Variants in NCAM2 observed in about 807,000 individuals in gnomAD.
NCAM2 encodes the protein N-CAM-2.
Under a neutral mutation model 98.1 loss-of-function variants are expected in NCAM2, and 30 were observed. The ratio of observed to expected loss-of-function variants is 0.31; its 90% confidence interval spans 0.23 to 0.41. NCAM2 has a LOEUF of 0.41. Ranked by LOEUF, NCAM2 falls within the 10% of genes least tolerant of loss-of-function variation. The pLI is 1.00. For synonymous variants in NCAM2, 368 were observed against 342.4 expected, an observed-to-expected ratio of 1.07 and a Z score of -0.83; for missense variants, 867 against 1,005.8, an observed-to-expected ratio of 0.86 and a Z score of 1.87.
rs112941041 is a variant in NCAM2, at chr21:21,507,445, A to G, written c.2078-1406A>G. Among the ~76,000 whole-genome samples, 834 of 152,260 alleles carry G rather than the reference A, an allele frequency of 5.5e-3. 11 individuals are homozygous for G. Among genetic ancestry groups the G allele is most frequent in the African/African-American group, 0.019 (804 of 41,574 alleles). On this transcript the variant is annotated intron_variant, in intron 15 of 17. Coordinates refer to ENST00000400546, the MANE Select transcript of NCAM2 (RefSeq NM_004540.5). Reference sequence around the variant, plus strand: ...CTGTCACTTGTGTTTCACATCAGTTACATATTTGAACATGCAGTTATTATG... The same window carrying G: ...CTGTCACTTGTGTTTCACATCAGTTGCATATTTGAACATGCAGTTATTATG...
intron 9 of NCAM2, among the ~76,000 whole-genome samples, chr21:21,409,348 A>T (rs1357354627): frequency 2.6e-5 from 4 of 152,150 alleles, no homozygotes; most frequent in Admixed American, 2.0e-4. Context: ...GAAAAAATTG[A>T]TAGGGAATCG....
At chr21:21,534,232 CA>C (rs1487375588) in intron 16 of NCAM2, among the ~76,000 whole-genome samples, 1 of 151,850 alleles carries the variant, frequency 6.6e-6, no homozygotes, top group African/African-American at 2.4e-5. Context: ...AAAATATTTT[CA>C]TTTTTTTCAA....
intron 15 of NCAM2, among the ~76,000 whole-genome samples, chr21:21,506,626 C>G (rs1987997176): frequency 6.6e-6 from 1 of 151,782 alleles, no homozygotes. Context: ...ATATTAAATC[C>G]CCATGGCTGA....
intron 5 of NCAM2, among the ~76,000 whole-genome samples, chr21:21,323,902 T>C (rs1257580184): frequency 2.0e-5 from 3 of 152,206 alleles, no homozygotes; most frequent in Admixed American, 2.0e-4. Context: ...ATATTGCTTA[T>C]GGCATTACAC....
chr21:21,055,887 A>G (rs531482385), intron 1 of NCAM2, among the ~76,000 whole-genome samples: 1 of 152,242 alleles, frequency 6.6e-6, no homozygotes, highest in East Asian at 1.9e-4. Context: ...ATGTTCGGTA[A>G]TTAGTAGCTC....
intron 1 of NCAM2, among the ~76,000 whole-genome samples, chr21:21,103,816 C>A (rs1234185851): frequency 3.3e-5 from 5 of 152,044 alleles, no homozygotes; most frequent in Admixed American, 6.6e-5. Context: ...TAAAGTTAGT[C>A]ATTTTGTTTT....
chr21:21,509,428 G>C (rs1257695671), intron 16 of NCAM2, among the ~76,000 whole-genome samples: 1 of 152,112 alleles, frequency 6.6e-6, no homozygotes, highest in Admixed American at 6.5e-5. Flanking sequence ...AATAATCTGA[G>C]CTAAAAACTC....
chr21:21,506,132 G>T (rs543479053), intron 15 of NCAM2, among the ~76,000 whole-genome samples: 73 of 152,212 alleles, frequency 4.8e-4, no homozygotes, highest in African/African-American at 1.7e-3. Context: ...AGAACTATCT[G>T]CATGTGAGAA....
chr21:21,136,661 T>G (rs1601467025), intron 1 of NCAM2, among the ~76,000 whole-genome samples: 1 of 144,776 alleles, frequency 6.9e-6, no homozygotes. Context: ...AGAGATGGGG[T>G]TTCACCGTTC....
At chr21:21,219,377 T>C (rs937037566) in intron 1 of NCAM2, among the ~76,000 whole-genome samples, 4 of 152,214 alleles carry the variant, frequency 2.6e-5, no homozygotes, top group African/African-American at 9.6e-5. Context: ...TCTACTCAAT[T>C]TAAAACATTT....
In NCAM2 at chr21:21,538,925, T is replaced by C. The variant is rs973860225; in HGVS notation, c.*968T>C. The C allele has an allele frequency of 6.6e-6, 1 of 152,168 alleles. No individual in the cohort carries two copies. The highest frequency in any genetic ancestry group is 2.4e-5 in the African/African-American group (1 of 41,456). 9.4% of individuals were successfully genotyped at this position (152,168 alleles called of 1,614,324 possible). A position where few individuals can be genotyped will look rare whatever the true frequency, so the allele number is the denominator to read the frequency against. On this transcript the variant is annotated 3_prime_UTR_variant, in exon 18 of 18. Transcript: ENST00000400546. ...ATGGTTTTATATAATCTTTAAGAACTAATTTTACCACTGTTATAGGTTCAC... is the reference window on the plus strand; with the variant it reads ...ATGGTTTTATATAATCTTTAAGAACCAATTTTACCACTGTTATAGGTTCAC...
intron 1 of NCAM2, among the ~76,000 whole-genome samples, chr21:21,265,410 G>A (rs1436071526): frequency 2.0e-5 from 1 of 50,872 alleles, no homozygotes; most frequent in Admixed American, 2.1e-4. Context: ...TTATATATGT[G>A]TATATATAAT....
At chr21:21,299,533 G>A (rs944776027) in intron 5 of NCAM2, among the ~76,000 whole-genome samples, 4 of 151,828 alleles carry the variant, frequency 2.6e-5, no homozygotes, top group East Asian at 1.9e-4. Context: ...TCTAGGATGA[G>A]ATTTCACAAT....
chr21:21,347,169 T>C (rs935745368), intron 8 of NCAM2, among the ~76,000 whole-genome samples: 1 of 151,774 alleles, frequency 6.6e-6, no homozygotes, highest in African/African-American at 2.4e-5. Context: ...CAGTTATAAA[T>C]GAAAAAAGAG....
At chr21:21,331,254 A>G (rs1198983327) in intron 6 of NCAM2, among the ~76,000 whole-genome samples, 2 of 151,610 alleles carry the variant, frequency 1.3e-5, no homozygotes, top group Admixed American at 1.3e-4. Context: ...TTCCTGATTC[A>G]GCATCCCCAG....
chr21:21,398,208 G>A (rs1056987172), intron 9 of NCAM2, among the ~76,000 whole-genome samples: 4 of 152,180 alleles, frequency 2.6e-5, no homozygotes, highest in Non-Finnish European at 4.4e-5. Flanking sequence ...TGGGAACTAA[G>A]CTATGAGGAT....
At chr21:21,425,704 G>T (rs1238619778) in intron 11 of NCAM2, among the ~76,000 whole-genome samples, 1 of 152,142 alleles carries the variant, frequency 6.6e-6, no homozygotes, top group Admixed American at 6.5e-5. Context: ...AAGGATAAAT[G>T]TAAATATAAT....
intron 16 of NCAM2, among the ~76,000 whole-genome samples, chr21:21,511,938 G>A (rs1184364560): frequency 6.6e-6 from 1 of 151,868 alleles, no homozygotes; most frequent in Non-Finnish European, 1.5e-5. Context: ...TTTTTAATTG[G>A]ATTATTTGTT....
intron 1 of NCAM2, among the ~76,000 whole-genome samples, chr21:21,227,885 G>A (rs2070452407): frequency 1.3e-5 from 2 of 151,748 alleles, no homozygotes; most frequent in African/African-American, 4.8e-5. Context: ...AGAAATATAA[G>A]TGATCTTTTA....
Sources: allele counts gnomAD v4.1 joint callset (sites outside exome capture counted in the v4.1 genomes callset), GRCh38; gene constraint gnomAD v4.1.1; transcripts MANE v1.5; gene names NCBI Gene and HGNC (gene_info 2026-07-23, HGNC 2026-07-21).